The following TAF12 variants were observed in gnomAD, a reference collection of about 807,000 sequenced individuals.
TAF12 encodes the protein TATA-box binding protein associated factor 12, also known as transcription initiation factor TFIID subunit 12.
A neutral mutation model predicts 20.8 loss-of-function variants in TAF12; 3 were observed. The ratio of observed to expected loss-of-function variants is 0.14; its 90% CI spans 0.07 to 0.37. The LOEUF is 0.37. TAF12 is among the 10% of genes least tolerant of loss of function. The probability of loss-of-function intolerance (pLI) is 1.00; values close to 1 mark genes in which losing one functional copy is unlikely to be tolerated. For missense variants in TAF12, 131 were observed against 197.9 expected (o/e 0.66, Z 2.03); for synonymous variants, 69 against 70.2 (o/e 0.98, Z 0.09).
rs565678647 is a variant in TAF12, at chr1:28,605,258, A to C, written c.450+114T>G. On this transcript the variant is annotated intron_variant, in intron 5 of 5. Transcript: ENST00000373824. ...CTCTGACCCTTGCTCCAGAGAGTGAAGTTTGCTGTGTGGAGGAAGCGAGGC... is the reference window on the plus strand; with the variant it reads ...CTCTGACCCTTGCTCCAGAGAGTGACGTTTGCTGTGTGGAGGAAGCGAGGC... 3 of 1,037,724 alleles carry C rather than the reference A, an allele frequency of 2.9e-6. No individual in the cohort carries two copies. In the South Asian group the frequency reaches 4.1e-5, roughly 14 times the overall value. 64.3% of individuals were successfully genotyped at this position (1,037,724 alleles called of 1,614,324 possible).
intron 1 of TAF12, among the ~76,000 whole-genome samples, chr1:28,637,517 T>C (rs1241204929): frequency 1.3e-5 from 2 of 151,736 alleles, no homozygotes. Context: ...ATACAAAAAA[T>C]AGCCGGGCAT....
chr1:28,634,243 G>A (rs1290220528), intron 1 of TAF12, among the ~76,000 whole-genome samples: 4 of 147,180 alleles, frequency 2.7e-5, no homozygotes, highest in Non-Finnish European at 4.5e-5. Flanking sequence ...GTGAAACTCC[G>A]TCTCTACTAA....
chr1:28,610,704 G>C (rs555555949), intron 4 of TAF12, among the ~76,000 whole-genome samples: 18 of 152,146 alleles, frequency 1.2e-4, no homozygotes, highest in Non-Finnish European at 2.6e-4. Flanking sequence ...GCTCACACCT[G>C]TAATCTCAGC....
At chr1:28,626,082 G>A (rs1667376466) in intron 1 of TAF12, among the ~76,000 whole-genome samples, 1 of 151,480 alleles carries the variant, frequency 6.6e-6, no homozygotes, top group Admixed American at 6.6e-5. Flanking sequence ...GCGGGTTCAA[G>A]CAATTCCTGC....
chr1:28,630,551 C>CA lies in TAF12; in HGVS notation c.-84-8387dup, dbSNP rs534385563. Among the ~76,000 whole-genome samples, 1,055 of 135,114 alleles carry CA rather than the reference C, an allele frequency of 7.8e-3. 12 individuals carry two copies. Among genetic ancestry groups the CA allele is most frequent in the South Asian group, 0.024 (103 of 4,308 alleles). The allele number at this position is 135,114 out of a possible 152,430, so 88.6% of individuals were successfully genotyped here. ...TAGGTGACAGAGTGAGACGCTGTCT[C>CA]AAAAAAAAAAAAATTCAAAACTGAT... is the stretch of plus-strand genomic sequence containing the variant. On this transcript the variant is annotated intron_variant, in intron 1 of 5. Transcript: ENST00000373824.
rs759562779 is a variant in TAF12, at chr1:28,622,114, G to A, written c.-33C>T. ...CGAGCTTTGGACTTCAGCTCATAGA[G>A]CTTATCGAGATCCTGTTTCTTTTTG... is the stretch of plus-strand genomic sequence containing the variant. On this transcript the variant is annotated 5_prime_UTR_variant, in exon 2 of 6. Coordinates refer to ENST00000373824, the MANE Select transcript of TAF12 (RefSeq NM_005644.4). The A allele has an allele frequency of 5.1e-6, 8 of 1,579,660 alleles. No individual in the cohort carries two copies. In the African/African-American group the frequency reaches 6.8e-5, roughly 14 times the overall value.
chr1:28,646,105 TA>T (rs538316397), upstream of TAF12: 1,456 of 128,778 alleles, frequency 0.011, 6 homozygotes, highest in African/African-American at 0.021. Flanking sequence ...ACACTGTCTC[TA>T]AAAAAAAAAA....
intron 2 of TAF12, among the ~76,000 whole-genome samples, chr1:28,619,176 G>C (rs1667130164): frequency 6.6e-6 from 1 of 151,954 alleles, no homozygotes. Flanking sequence ...AACATGGCGA[G>C]ACTGCATCTC....
chr1:28,633,873 T>C (rs1342166164), intron 1 of TAF12, among the ~76,000 whole-genome samples: 6 of 121,670 alleles, frequency 4.9e-5, no homozygotes, highest in African/African-American at 2.0e-4. Flanking sequence ...GATTGTGCCA[T>C]CGCACTCCAG....
intron 2 of TAF12, among the ~76,000 whole-genome samples, chr1:28,618,269 A>G (rs911708012): frequency 1.3e-5 from 2 of 152,164 alleles, no homozygotes; most frequent in African/African-American, 4.8e-5. Flanking sequence ...CAGGCAGTAT[A>G]TTTCAGCCTC....
chr1:28,607,443 G>C (rs1312864548), intron 4 of TAF12, among the ~76,000 whole-genome samples: 1 of 152,148 alleles, frequency 6.6e-6, no homozygotes, highest in Non-Finnish European at 1.5e-5. Context: ...GGCCAAAGTG[G>C]GCGGATCACC....
intron 4 of TAF12, among the ~76,000 whole-genome samples, chr1:28,607,137 T>C (rs931536565): frequency 1.3e-5 from 2 of 152,222 alleles, no homozygotes; most frequent in Admixed American, 1.3e-4. Flanking sequence ...TGTACGTCAC[T>C]TTTAGCAAAT....
At chr1:28,608,702 C>T (rs1288841845) in intron 4 of TAF12, among the ~76,000 whole-genome samples, 3 of 151,832 alleles carry the variant, frequency 2.0e-5, no homozygotes, top group South Asian at 4.2e-4. Flanking sequence ...TTGCAGTGAG[C>T]GGAGATTGTG....
upstream of TAF12, among the ~76,000 whole-genome samples, chr1:28,644,294 C>G (rs2124399491): frequency 6.6e-6 from 1 of 152,246 alleles, no homozygotes; most frequent in South Asian, 2.1e-4. Context: ...CTCATCCTAC[C>G]ACGTTCCCAG....
At chr1:28,605,789 C>G (rs1383872025) in intron 4 of TAF12, among the ~76,000 whole-genome samples, 1 of 152,138 alleles carries the variant, frequency 6.6e-6, no homozygotes, top group African/African-American at 2.4e-5. Context: ...CCATGGCCAG[C>G]TAATATTTCT....
At chr1:28,617,596 G>A (rs1260863414) in intron 3 of TAF12, among the ~76,000 whole-genome samples, 1 of 151,648 alleles carries the variant, frequency 6.6e-6, no homozygotes, top group African/African-American at 2.4e-5. Context: ...ACAGGCGCCC[G>A]CCACCATGCC....
chr1:28,647,084 T>C (rs1668211032), upstream of TAF12, among the ~76,000 whole-genome samples: 5 of 152,230 alleles, frequency 3.3e-5, no homozygotes, highest in South Asian at 1.0e-3. Context: ...TCCACCCACC[T>C]CAGCTTCCCA....
chr1:28,636,721 A>G (rs1667836666), intron 1 of TAF12, among the ~76,000 whole-genome samples: 1 of 151,840 alleles, frequency 6.6e-6, no homozygotes. Context: ...GGATCACTTG[A>G]GCCCAGGAGG....
chr1:28,625,891 G>A (rs895346571), intron 1 of TAF12, among the ~76,000 whole-genome samples: 5 of 151,486 alleles, frequency 3.3e-5, no homozygotes, highest in African/African-American at 9.7e-5. Context: ...TGCTGCCTAG[G>A]CTGGTCTCTA....
Sources: gnomAD v4.1 joint callset for allele counts (sites outside exome capture counted in the v4.1 genomes callset) on GRCh38, gnomAD v4.1.1 for gene constraint, MANE v1.5 for transcripts, NCBI Gene and HGNC (gene_info 2026-07-23, HGNC 2026-07-21) for gene names.